The following EMSY variants were observed in gnomAD, a reference collection of about 807,000 sequenced individuals.
EMSY encodes BRCA2-interacting transcriptional repressor EMSY.
A neutral mutation model predicts 134.6 loss-of-function variants in EMSY; 26 were observed. The observed-to-expected ratio is 0.19, with a 90% CI of 0.14 to 0.27. The LOEUF is 0.27. Among genes scored for constraint, EMSY ranks in the 10% least tolerant of loss-of-function variants. The probability of loss-of-function intolerance (pLI) is 1.00; values close to 1 mark genes in which losing one functional copy is unlikely to be tolerated. For synonymous variants in EMSY, 579 were observed against 577.8 expected, an observed-to-expected ratio of 1.00 and a Z score of -0.03; for missense variants, 1,305 against 1,611.4, an observed-to-expected ratio of 0.81 and a Z score of 3.26.
chr11:76,509,082 A>T (rs1228836740), intron 9 of EMSY, among the ~76,000 whole-genome samples: 1 of 152,154 alleles, frequency 6.6e-6, no homozygotes, highest in Non-Finnish European at 1.5e-5. Flanking sequence ...AAGATCACTG[A>T]TCACCGATTA....
intron 2 of EMSY, among the ~76,000 whole-genome samples, chr11:76,451,209 G>C (rs1472028737): frequency 6.6e-6 from 1 of 152,174 alleles, no homozygotes; most frequent in African/African-American, 2.4e-5. Context: ...TCATGTTTAT[G>C]TTTCCCAATT....
intron 14 of EMSY, 31 bp from the exon 16 acceptor site, chr11:76,535,864 G>C (rs749415740): frequency 1.4e-6 from 2 of 1,412,002 alleles, no homozygotes; most frequent in Non-Finnish European, 1.9e-6. Flanking sequence ...TTGTTTATAG[G>C]GTTTGTTTTT....
intron 14 of EMSY, among the ~76,000 whole-genome samples, chr11:76,530,666 A>G (rs1460552876): frequency 6.6e-6 from 1 of 152,178 alleles, no homozygotes; most frequent in Non-Finnish European, 1.5e-5. Context: ...GGCATAGTTG[A>G]CTGTAAGGCA....
chr11:76,503,961 T>G (rs1949978115), intron 9 of EMSY, among the ~76,000 whole-genome samples: 1 of 151,642 alleles, frequency 6.6e-6, no homozygotes, highest in Admixed American at 6.6e-5. Flanking sequence ...ATTTTTTTTT[T>G]TTTTTGTAGA....
chr11:76,549,472 G>T (rs1038847060), intron 20 of EMSY, among the ~76,000 whole-genome samples: 2 of 151,052 alleles, frequency 1.3e-5, no homozygotes, highest in African/African-American at 4.9e-5. Context: ...TACTCGTCTT[G>T]CAGATAATAA....
chr11:76,498,355 G>C (rs1949730625), intron 9 of EMSY, among the ~76,000 whole-genome samples: 1 of 152,056 alleles, frequency 6.6e-6, no homozygotes, highest in Non-Finnish European at 1.5e-5. Context: ...TGATTATGTT[G>C]TTCAGTTCTC....
At chr11:76,502,539 AC>A (rs1203761722) in intron 9 of EMSY, among the ~76,000 whole-genome samples, 2 of 151,022 alleles carry the variant, frequency 1.3e-5, no homozygotes, top group African/African-American at 2.4e-5. Context: ...TTAAAAAAAA[AC>A]AAAAAACAAA....
At chr11:76,453,595 C>T (rs773456175) in intron 4 of EMSY, 34 of 404,566 alleles carry the variant, frequency 8.4e-5, no homozygotes, top group Non-Finnish European at 1.3e-4. Context: ...GCTTTAAGTA[C>T]TCAGGTCAAA....
chr11:76,542,093 C>T, intron 17 of EMSY, 123 bp from the exon 19 acceptor site: 2 of 1,255,726 alleles, frequency 1.6e-6, no homozygotes, highest in Non-Finnish European at 2.3e-6. Flanking sequence ...CTTCTGCCTC[C>T]TAGTTCACAA....
exon 5 of EMSY, chr11:76,458,242 T>C: frequency 6.2e-7 from 1 of 1,614,152 alleles, no homozygotes; most frequent in Non-Finnish European, 8.5e-7. Flanking sequence ...TTGGTACCAC[T>C]GATGCCCCGG....
chr11:76,514,330 T>C (rs186923032), intron 10 of EMSY, among the ~76,000 whole-genome samples: 128 of 152,262 alleles, frequency 8.4e-4, no homozygotes, highest in Non-Finnish European at 1.4e-3. Context: ...GTATGACTCT[T>C]TAACCAAACT....
chr11:76,513,665 A>G lies in EMSY; in HGVS notation c.1513+130A>G, dbSNP rs185393639. The G allele has an allele frequency of 2.1e-3, 1,863 of 891,956 alleles. 3 individuals are homozygous for G. Among genetic ancestry groups the G allele is most frequent in the Non-Finnish European group, 2.4e-3 (1,464 of 603,164 alleles). The allele number at this position is 891,956 out of a possible 1,614,324, so 55.3% of individuals were successfully genotyped here. A position where few individuals can be genotyped will look rare whatever the true frequency, so the allele number is the denominator to read the frequency against. ...CAGTTTTTCAAAGAGGCCTTTCTTG[A>G]TTCTCACACCCCTACTGACTGCCCT... On this transcript the variant is annotated intron_variant, in intron 10 of 20. Coordinates refer to ENST00000334736, the Ensembl canonical transcript of EMSY.
intron 20 of EMSY, among the ~76,000 whole-genome samples, chr11:76,546,874 GT>G (rs1951673370): frequency 2.6e-5 from 4 of 152,156 alleles, no homozygotes; most frequent in Admixed American, 2.6e-4. Flanking sequence ...GAACTTTACT[GT>G]TTAATTCAAT....
intron 9 of EMSY, among the ~76,000 whole-genome samples, chr11:76,498,120 T>A (rs927198353): frequency 2.0e-5 from 3 of 152,142 alleles, no homozygotes; most frequent in African/African-American, 7.2e-5. Context: ...CTAATGGAGA[T>A]TTTTCTGGGT....
chr11:76,533,548 G>A (rs1413275525), intron 14 of EMSY, among the ~76,000 whole-genome samples: 1 of 152,124 alleles, frequency 6.6e-6, no homozygotes, highest in Non-Finnish European at 1.5e-5. Flanking sequence ...ATTGATGGCA[G>A]CATTAAACAA....
intron 9 of EMSY, among the ~76,000 whole-genome samples, chr11:76,502,767 A>C (rs572841210): frequency 3.9e-4 from 60 of 152,310 alleles, no homozygotes; most frequent in Non-Finnish European, 7.6e-4. Context: ...TGAAAACTAC[A>C]AAACATTGAA....
intron 7 of EMSY, among the ~76,000 whole-genome samples, chr11:76,466,784 C>T (rs1948370007): frequency 6.6e-6 from 1 of 152,116 alleles, no homozygotes; most frequent in Admixed American, 6.5e-5. Flanking sequence ...AGTCAAGAGT[C>T]CTGGGTTAGA....
At chr11:76,544,867 C>A (rs17134958) in intron 19 of EMSY, 45 bp downstream of exon 20, 13 of 1,559,494 alleles carry the variant, frequency 8.3e-6, no homozygotes, top group Admixed American at 7.4e-5. Flanking sequence ...TCTCTGTTCA[C>A]GGAAAAAAAA....
exon 13 of EMSY, chr11:76,526,463 G>A (rs1392306662): frequency 6.3e-7 from 1 of 1,593,058 alleles, no homozygotes; most frequent in African/African-American, 1.4e-5. Flanking sequence ...TCAATTTAGG[G>A]AGAAAAGACT....
Sources: allele counts gnomAD v4.1 joint callset (sites outside exome capture counted in the v4.1 genomes callset), GRCh38; gene constraint gnomAD v4.1.1; transcripts MANE v1.5; gene names NCBI Gene and HGNC (gene_info 2026-07-23, HGNC 2026-07-21).